EPN2: variants seen among roughly 807,000 people sequenced by gnomAD.
The protein encoded by EPN2 is epsin 2, also known as epsin-2.
EPN2 carries 34 observed loss-of-function variants against 61.7 expected under a neutral mutation model. That is an observed-to-expected ratio of 0.55 (90% confidence interval 0.42 to 0.73). The LOEUF (loss-of-function observed/expected upper bound fraction) is 0.73, where lower values mean the gene tolerates loss of function less well. Ranked by LOEUF, EPN2 falls within the 30% of genes least tolerant of loss-of-function variation. The probability of loss-of-function intolerance (pLI) is 0.00; values close to 1 mark genes in which losing one functional copy is unlikely to be tolerated. For missense variants in EPN2, 714 were observed against 839.2 expected, an observed-to-expected ratio of 0.85 and a Z score of 1.84; for synonymous variants, 349 against 353.6, an observed-to-expected ratio of 0.99 and a Z score of 0.15.
In EPN2 at chr17:19,285,792, T is replaced by C; in HGVS notation, c.766+2T>C. The C allele has an allele frequency of 6.3e-7, 1 of 1,581,964 alleles. No homozygotes were observed. The highest frequency in any genetic ancestry group is 8.6e-7 in the Non-Finnish European group (1 of 1,162,060). The stretch of plus-strand genomic sequence containing the variant: ...TCACTTGTGACCGCGCAGCCCGAGG[T>C]GGGACGGCGGTTTGCTTTTTTCCTT... On this transcript the variant is annotated splice_donor_variant, in intron 4 of 10. Coordinates refer to ENST00000314728, the MANE Select transcript of EPN2 (RefSeq NM_014964.5). LOFTEE classifies it high-confidence loss of function. The surrounding 1 kb of genome is among the most constrained non-coding windows in gnomAD (Gnocchi z 4.5).
intron 9 of EPN2, 32 bp downstream of exon 9, chr17:19,329,679 C>T (rs1907068339): frequency 4.6e-6 from 6 of 1,305,868 alleles, no homozygotes; most frequent in South Asian, 1.2e-5. Context: ...TTCCATAATC[C>T]TCCGTGCATT....
intron 4 of EPN2, among the ~76,000 whole-genome samples, chr17:19,301,533 T>C (rs1047757364): frequency 7.9e-5 from 12 of 152,200 alleles, no homozygotes; most frequent in African/African-American, 2.2e-4. Context: ...ATAGCTACTT[T>C]TCTGGCCCAA....
At chr17:19,313,340 T>TG (rs2152232848) in intron 7 of EPN2, 61 bp downstream of exon 7, 1 of 1,437,234 alleles carries the variant, frequency 7.0e-7, no homozygotes, top group Admixed American at 2.5e-5. Context: ...GGCAGGGCAG[T>TG]GCTTCTTGCT....
intron 7 of EPN2, among the ~76,000 whole-genome samples, chr17:19,322,394 G>A (rs1037786325): frequency 2.6e-5 from 4 of 152,194 alleles, no homozygotes; most frequent in Admixed American, 2.0e-4. Context: ...CCCTCCTAGT[G>A]CTGCTACAGC....
intron 7 of EPN2, among the ~76,000 whole-genome samples, chr17:19,322,147 A>G (rs3785777): frequency 0.97 from 147,324 of 152,276 alleles, 71,532 homozygotes; most frequent in African/African-American, 0.99. Flanking sequence ...GTGTCAGAAG[A>G]AGCTTCTGGA....
intron 1 of EPN2, among the ~76,000 whole-genome samples, chr17:19,254,776 C>T (rs923896565): frequency 2.0e-5 from 3 of 152,130 alleles, no homozygotes; most frequent in African/African-American, 7.2e-5. Flanking sequence ...CTTTTCCCCA[C>T]TCCTGAGTTA....
intron 7 of EPN2, among the ~76,000 whole-genome samples, chr17:19,319,775 G>A (rs569204334): frequency 6.6e-6 from 1 of 152,226 alleles, no homozygotes; most frequent in Non-Finnish European, 1.5e-5. Context: ...AGCCTCCCAA[G>A]TAGCTGGGAC....
chr17:19,272,732 G>C (rs1268845681), intron 1 of EPN2, among the ~76,000 whole-genome samples: 1 of 152,206 alleles, frequency 6.6e-6, no homozygotes, highest in African/African-American at 2.4e-5. Context: ...AGGAATAGGA[G>C]AGGTAGGGGA....
At chr17:19,268,685 G>GCC (rs2045224876) in intron 1 of EPN2, among the ~76,000 whole-genome samples, 2 of 152,198 alleles carry the variant, frequency 1.3e-5, no homozygotes, top group Non-Finnish European at 2.9e-5. Flanking sequence ...CATGGCTATA[G>GCC]AAGCACTTTT....
chr17:19,267,266 TA>T (rs2045209515), intron 1 of EPN2, among the ~76,000 whole-genome samples: 1 of 152,002 alleles, frequency 6.6e-6, no homozygotes, highest in South Asian at 2.1e-4. Flanking sequence ...ATGTTGGGCT[TA>T]ATTTTGGAGT....
At chr17:19,287,257 A>C (rs1456547002) in intron 4 of EPN2, among the ~76,000 whole-genome samples, 1 of 151,396 alleles carries the variant, frequency 6.6e-6, no homozygotes, top group East Asian at 1.9e-4. Context: ...TGTTCCCCCA[A>C]CCTGGCAAGT....
intron 1 of EPN2, among the ~76,000 whole-genome samples, chr17:19,281,736 G>C (rs550632301): frequency 3.4e-4 from 52 of 152,218 alleles, no homozygotes; most frequent in African/African-American, 1.3e-3. Context: ...TTTGAGGGTG[G>C]GGGGTGGACA....
At chr17:19,264,951 C>T (rs1175568976) in intron 1 of EPN2, among the ~76,000 whole-genome samples, 1 of 152,052 alleles carries the variant, frequency 6.6e-6, no homozygotes, top group East Asian at 1.9e-4. Flanking sequence ...CTGGCTCAGT[C>T]AGCTGGGCAG....
chr17:19,317,394 T>C (rs1463268453), intron 7 of EPN2, among the ~76,000 whole-genome samples: 1 of 152,208 alleles, frequency 6.6e-6, no homozygotes, highest in Non-Finnish European at 1.5e-5. Flanking sequence ...CTCTCTGTAC[T>C]CCCGCCCACT....
intron 4 of EPN2, chr17:19,308,751 A>G: frequency 1.2e-6 from 1 of 849,070 alleles, no homozygotes; most frequent in Non-Finnish European, 1.4e-6. Flanking sequence ...CCTTCCTGAA[A>G]CGGGGGCAGA....
chr17:19,294,996 T>C (rs943898672), intron 4 of EPN2, among the ~76,000 whole-genome samples: 2 of 152,138 alleles, frequency 1.3e-5, no homozygotes, highest in African/African-American at 4.8e-5. Flanking sequence ...AGGGAAGGCA[T>C]GCAGATAGAT....
Position 19,285,875 on chromosome 17 carries a change from C to T in EPN2, c.766+85C>T. 7.0e-7 allele frequency: 1 copy of T among 1,429,482 alleles called. No individual in the cohort carries two copies. 88.5% of individuals were successfully genotyped at this position (1,429,482 alleles called of 1,614,324 possible). ...GCTTGCCATGCCAGTACAGCCAACT[C>T]TCTCCCTGTCTCCTCTGGGCCTGGG... On this transcript the variant is annotated intron_variant, in intron 4 of 10. Transcript: ENST00000314728. This position sits in a 1 kb window ranked among gnomAD's most constrained non-coding sequence, Gnocchi z 4.5.
chr17:19,241,480 G>C (rs1247510322), intron 1 of EPN2, among the ~76,000 whole-genome samples: 1 of 151,724 alleles, frequency 6.6e-6, no homozygotes. Context: ...CAGCTACTCG[G>C]GAGGCTGAGG....
At chr17:19,261,069 C>T (rs994656735) in intron 1 of EPN2, among the ~76,000 whole-genome samples, 2 of 152,342 alleles carry the variant, frequency 1.3e-5, no homozygotes, top group South Asian at 2.1e-4. Flanking sequence ...AGTTGTCTCA[C>T]GTGCACATCG....
Sources: gnomAD v4.1 joint callset for allele counts (sites outside exome capture counted in the v4.1 genomes callset) on GRCh38, gnomAD v4.1.1 for gene constraint, Gnocchi (gnomAD v3.1) non-coding constraint, MANE v1.5 for transcripts, NCBI Gene and HGNC (gene_info 2026-07-23, HGNC 2026-07-21) for gene names.